KIF13A: variants seen among roughly 807,000 people sequenced by gnomAD.
KIF13A encodes kinesin-like protein KIF13A.
KIF13A carries 79 observed loss-of-function variants against 212.2 expected under a neutral mutation model. That is an observed-to-expected ratio of 0.37 (90% CI 0.31 to 0.45). The LOEUF is 0.45. KIF13A is among the 20% of genes least tolerant of loss of function. KIF13A has a pLI of 1.00. For missense variants in KIF13A, 1,901 were observed against 2,209.0 expected, an observed-to-expected ratio of 0.86 and a Z score of 2.79; for synonymous variants, 789 against 808.6, an observed-to-expected ratio of 0.98 and a Z score of 0.41.
chr6:17,813,339 GTAT>G (rs1276911048), intron 17 of KIF13A, among the ~76,000 whole-genome samples: 1 of 152,094 alleles, frequency 6.6e-6, no homozygotes, highest in Admixed American at 6.5e-5. Flanking sequence ...AATTAGCCAG[GTAT>G]TGTGGTGGGC....
intron 2 of KIF13A, among the ~76,000 whole-genome samples, chr6:17,901,722 T>A (rs2150488370): frequency 6.6e-6 from 1 of 152,326 alleles, no homozygotes; most frequent in South Asian, 2.1e-4. Context: ...ACAAATAAAT[T>A]ATTTAAAATT....
chr6:17,778,038 T>C (rs1481413098), intron 33 of KIF13A, among the ~76,000 whole-genome samples: 1 of 152,110 alleles, frequency 6.6e-6, no homozygotes, highest in Non-Finnish European at 1.5e-5. Flanking sequence ...TCTGGGAGGC[T>C]GAGGCACTAC....
Position 17,855,218 on chromosome 6 carries a change from C to T in KIF13A, c.494+219G>A, listed in dbSNP as rs900449467. On this transcript the variant is annotated intron_variant, in intron 6 of 38. Coordinates refer to ENST00000259711, the MANE Select transcript of KIF13A (RefSeq NM_022113.6). This position sits in a 1 kb window ranked among gnomAD's most constrained non-coding sequence, Gnocchi z 4.1. Reference sequence around the variant, plus strand: ...AAAAAAATACCAATAGTAAAAACATCTTTTCAAAGGGCATACATAGGCAAC... The same window carrying T: ...AAAAAAATACCAATAGTAAAAACATTTTTTCAAAGGGCATACATAGGCAAC... Among the ~76,000 whole-genome samples the T allele has an allele frequency of 2.0e-5, 3 of 152,054 alleles. No individual in the cohort carries two copies. Among genetic ancestry groups the T allele is most frequent in the Non-Finnish European group, 4.4e-5 (3 of 67,980 alleles).
intron 2 of KIF13A, among the ~76,000 whole-genome samples, chr6:17,940,368 A>C (rs1295268925): frequency 6.6e-6 from 1 of 152,226 alleles, no homozygotes; most frequent in Non-Finnish European, 1.5e-5. Flanking sequence ...GGGTGTGCTA[A>C]TGCTGCTGAT....
chr6:17,840,450 G>A (rs1226582992), intron 9 of KIF13A, among the ~76,000 whole-genome samples: 1 of 151,986 alleles, frequency 6.6e-6, no homozygotes, highest in Non-Finnish European at 1.5e-5. Context: ...AACTATCCCA[G>A]ATATTTTACT....
At chr6:17,890,270 G>A (rs1771925962) in intron 3 of KIF13A, among the ~76,000 whole-genome samples, 1 of 151,856 alleles carries the variant, frequency 6.6e-6, no homozygotes, top group South Asian at 2.1e-4. Flanking sequence ...TTGAGGGACA[G>A]AAGAAGAAAA....
intron 7 of KIF13A, among the ~76,000 whole-genome samples, chr6:17,851,750 A>T (rs1767672715): frequency 6.6e-6 from 1 of 152,256 alleles, no homozygotes; most frequent in South Asian, 2.1e-4. Flanking sequence ...TCCCGGCCAT[A>T]CTGTAAAACC....
At chr6:17,930,495 T>G (rs1335948109) in intron 2 of KIF13A, among the ~76,000 whole-genome samples, 1 of 152,202 alleles carries the variant, frequency 6.6e-6, no homozygotes, top group Non-Finnish European at 1.5e-5. Flanking sequence ...ACTTACGTTA[T>G]CAGGAAAAAC....
chr6:17,851,692 A>T lies in KIF13A; in HGVS notation c.582+263T>A, dbSNP rs577248795. Among the ~76,000 whole-genome samples, 8 of 152,364 alleles carry T rather than the reference A, an allele frequency of 5.3e-5. 1 individual carries two copies. The highest frequency in any genetic ancestry group is 3.4e-3 in the Middle Eastern group (1 of 294). On this transcript the variant is annotated intron_variant, in intron 7 of 38. Transcript: ENST00000259711. ...TGGCATCATTGGGAGAACAGTTTTA[A>T]CAGAGTAGTATTAGTGAAAATATGC...
At position 17,785,632 on chromosome 6, in the gene KIF13A, T is replaced by C; in HGVS notation, c.3371A>G (p.Glu1124Gly). The C allele has an allele frequency of 6.2e-7, 1 of 1,603,794 alleles. No homozygotes were observed. The highest frequency in any genetic ancestry group is 8.5e-7 in the Non-Finnish European group (1 of 1,175,332). ...CTGGGCTTCCCGCTCCACATCGTCC[T>C]CTGTTTTCTCTGCAGAAAAAAATGA... ...KKVSNKTEKT[E>G]DDVEREAQLV... Residue 1124 changes from glutamate to glycine, a missense_variant, in exon 28 of 39, where the codon GAG becomes GGG. Coordinates refer to ENST00000259711, the MANE Select transcript of KIF13A (RefSeq NM_022113.6). The surrounding 1 kb of genome is among the most constrained non-coding windows in gnomAD (Gnocchi z 5.8).
chr6:17,887,904 C>A (rs935089042), intron 3 of KIF13A, among the ~76,000 whole-genome samples: 2 of 149,050 alleles, frequency 1.3e-5, no homozygotes, highest in African/African-American at 5.0e-5. Context: ...TGGGGTTTTG[C>A]CATATTGGCC....
At chr6:17,835,639 G>A (rs1765889769) in intron 11 of KIF13A, among the ~76,000 whole-genome samples, 1 of 152,084 alleles carries the variant, frequency 6.6e-6, no homozygotes, top group Non-Finnish European at 1.5e-5. Flanking sequence ...ATAAAACACA[G>A]CATCTTGTAC....
At chr6:17,880,171 C>A (rs1770926219) in intron 3 of KIF13A, among the ~76,000 whole-genome samples, 1 of 152,058 alleles carries the variant, frequency 6.6e-6, no homozygotes, top group South Asian at 2.1e-4. Flanking sequence ...CCAAGCTAGT[C>A]TCGAATTCTC....
chr6:17,960,281 A>G lies in KIF13A; in HGVS notation c.146+26773T>C, dbSNP rs567511154. Among the ~76,000 whole-genome samples, 59 of 152,340 alleles carry G rather than the reference A, an allele frequency of 3.9e-4. 1 individual carries two copies. The South Asian group carries it at 0.012, about 31-fold the overall frequency. On this transcript the variant is annotated intron_variant, in intron 2 of 38. Transcript: ENST00000259711. ...CATTCTTTGAGAGTAGCAAAAAGAG[A>G]GCGAGTATAAAAAATAATTTTGGAT... is the stretch of plus-strand genomic sequence containing the variant.
At chr6:17,868,335 T>C (rs1431476096) in intron 4 of KIF13A, among the ~76,000 whole-genome samples, 2 of 152,364 alleles carry the variant, frequency 1.3e-5, no homozygotes, top group Middle Eastern at 3.4e-3. Context: ...AAAAAATGTA[T>C]TGATTCATTG....
chr6:17,832,568 G>A (rs1357186876), intron 12 of KIF13A, among the ~76,000 whole-genome samples: 1 of 152,000 alleles, frequency 6.6e-6, no homozygotes, highest in Admixed American at 6.6e-5. Flanking sequence ...AACTGGGGAG[G>A]CGGAGGTTGC....
rs1366361089 is a variant in KIF13A, at chr6:17,918,658, T to C, written c.147-20478A>G. Among the ~76,000 whole-genome samples, 2 of 152,122 alleles carry C rather than the reference T, an allele frequency of 1.3e-5. No homozygotes were observed. The highest frequency in any genetic ancestry group is 4.8e-5 in the African/African-American group (2 of 41,414). On this transcript the variant is annotated intron_variant, in intron 2 of 38. Coordinates refer to ENST00000259711, the MANE Select transcript of KIF13A (RefSeq NM_022113.6). The surrounding 1 kb of genome is among the most constrained non-coding windows in gnomAD (Gnocchi z 4.8). ...CAGGTAAGAGAAGTATCACTTGGAA[T>C]TGAAAGCACTCCCATCCCCAGGCAT...
rs1297185461 is a variant in KIF13A, at chr6:17,788,782, TG to T, written c.3262-908del. 3.3e-5 allele frequency among the ~76,000 whole-genome samples: 5 copies of T among 152,306 alleles called. No individual in the cohort carries two copies. In the East Asian group the frequency reaches 9.7e-4, roughly 29 times the overall value. On this transcript the variant is annotated intron_variant, in intron 26 of 38. Transcript: ENST00000259711. ...TCTTGTCGCCCAGGCTGGAGTGCAG[TG>T]GCACAATCTCGGCTCACTGCAACCT...
At chr6:17,865,532 T>C (rs149989646) in intron 4 of KIF13A, among the ~76,000 whole-genome samples, 70 of 152,226 alleles carry the variant, frequency 4.6e-4, no homozygotes, top group African/African-American at 1.6e-3. Context: ...CCTGAAGGGG[T>C]GAAGAATGCC....
Sources: allele counts gnomAD v4.1 joint callset (sites outside exome capture counted in the v4.1 genomes callset), GRCh38; gene constraint gnomAD v4.1.1; non-coding constraint Gnocchi (gnomAD v3.1); transcripts MANE v1.5; gene names NCBI Gene and HGNC (gene_info 2026-07-23, HGNC 2026-07-21).